The following ATRIP variants were observed in gnomAD, a reference collection of about 807,000 sequenced individuals.
ATRIP encodes ATR-interacting protein.
In ATRIP, 44 loss-of-function variants were observed where a neutral mutation model predicts 78.1. The ratio of observed to expected loss-of-function variants is 0.56; its 90% confidence interval spans 0.44 to 0.72. The LOEUF (loss-of-function observed/expected upper bound fraction) is 0.72, where lower values mean the gene tolerates loss of function less well. Ranked by LOEUF, ATRIP falls within the 30% of genes least tolerant of loss-of-function variation. The pLI, the probability that ATRIP is intolerant of heterozygous loss-of-function variation, is 0.00. For synonymous variants in ATRIP, 388 were observed against 408.9 expected, an observed-to-expected ratio of 0.95 and a Z score of 0.62; for missense variants, 927 against 980.2, an observed-to-expected ratio of 0.95 and a Z score of 0.72.
At chr3:48,454,152 T>G in intron 3 of ATRIP, 148 bp from the exon 4 acceptor site, 1 of 585,676 alleles carries the variant, frequency 1.7e-6, no homozygotes, top group African/African-American at 1.9e-5. Flanking sequence ...AGAAAGCTAA[T>G]GTTTAATATT....
Position 48,465,556 on chromosome 3 carries a change from G to A in ATRIP, c.*2G>A, listed in dbSNP as rs1393642533. ...GACCCCGAGGTGGAGTGTGGCTGAGGCCCTGAGTGTCCAGCCACATGGTGG... is the reference window on the plus strand; with the variant it reads ...GACCCCGAGGTGGAGTGTGGCTGAGACCCTGAGTGTCCAGCCACATGGTGG... On this transcript the variant is annotated 3_prime_UTR_variant, in exon 13 of 13. Coordinates refer to ENST00000320211, the MANE Select transcript of ATRIP (RefSeq NM_130384.3). 3 of 1,612,574 alleles carry A rather than the reference G, an allele frequency of 1.9e-6. No homozygotes were observed. Among genetic ancestry groups the A allele is most frequent in the Admixed American group, 1.7e-5 (1 of 60,008 alleles).
At chr3:48,451,991 C>T in intron 3 of ATRIP, 92 bp downstream of exon 3, 1 of 1,240,414 alleles carries the variant, frequency 8.1e-7, no homozygotes, top group Non-Finnish European at 1.1e-6. Context: ...GAGATTTCAA[C>T]ACTTGTTTGT....
In ATRIP at chr3:48,466,873, CGGGGAAGGCCTGCAGCCCT is replaced by C; in HGVS notation, c.*1321_*1339del. 3 of 1,613,400 alleles carry C rather than the reference CGGGGAAGGCCTGCAGCCCT, an allele frequency of 1.9e-6. No individual in the cohort carries two copies. Among genetic ancestry groups the C allele is most frequent in the Non-Finnish European group, 2.5e-6 (3 of 1,180,022 alleles). Reference sequence around the variant, plus strand: ...GACAAGCTCTCCCTGTGTGTGGCTCCGGGGAAGGCCTGCAGCCCTGCAGCCAGCGAGATCACAGGTCTGA... The same window carrying C: ...GACAAGCTCTCCCTGTGTGTGGCTCCGCAGCCAGCGAGATCACAGGTCTGA... On this transcript the variant is annotated 3_prime_UTR_variant, in exon 13 of 13. Coordinates refer to ENST00000320211, the MANE Select transcript of ATRIP (RefSeq NM_130384.3).
Position 48,467,280 on chromosome 3 carries a change from C to A in ATRIP, c.*1726C>A, listed in dbSNP as rs1478353840. 2 of 1,614,052 alleles carry A rather than the reference C, an allele frequency of 1.2e-6. No individual in the cohort carries two copies. Among genetic ancestry groups the A allele is most frequent in the Non-Finnish European group, 1.7e-6 (2 of 1,180,046 alleles). ...TGTCCTGGCCCTGCTCAGCATCTGT[C>A]AGTGGAGACCACAGGCCCTGCTGCG... On this transcript the variant is annotated 3_prime_UTR_variant, in exon 13 of 13. Coordinates refer to ENST00000320211, the MANE Select transcript of ATRIP (RefSeq NM_130384.3).
chr3:48,460,437 G>C lies in ATRIP; in HGVS notation c.1383G>C (p.Glu461Asp). ...CCTCCTGCGTGAGCTCTGGGGTAGAGACCAACCCTGAGGACTCAGTGTGCA... is the reference window on the plus strand; with the variant it reads ...CCTCCTGCGTGAGCTCTGGGGTAGACACCAACCCTGAGGACTCAGTGTGCA... The part of the protein sequence containing the change: ...THSSCVSSGV[E>D]TNPEDSVCIL... Residue 461 changes from glutamate to aspartate, a missense_variant, in exon 8 of 13, where the codon GAG becomes GAC. Physicochemically the swap from Glu to Asp is conservative, Grantham distance 45 (BLOSUM62 2). Transcript: ENST00000320211. 6.2e-7 allele frequency: 1 copy of C among 1,612,136 alleles called. No homozygotes were observed.
rs192579452 is a variant in ATRIP at position 48,463,367 on chromosome 3, C to T, written c.1746-378C>T. ...AGGCCATGTTTGTCACCTCTGGAGG[C>T]CTGGTCAGTCCTTCTGTGGGCACAG... is the stretch of plus-strand genomic sequence containing the variant. On this transcript the variant is annotated intron_variant, in intron 8 of 12. Transcript: ENST00000320211. Among the ~76,000 whole-genome samples the T allele has an allele frequency of 1.1e-3, 166 of 152,196 alleles. 1 individual carries two copies. The highest frequency in any genetic ancestry group is 6.8e-3 in the Middle Eastern group (2 of 294).
chr3:48,463,786 C>G lies in ATRIP; in HGVS notation c.1787C>G (p.Pro596Arg). The change falls in exon 9 of 13, where the codon CCA (proline) becomes CGA (arginine). Residue 596 changes from proline to arginine, a missense_variant. Coordinates refer to ENST00000320211, the MANE Select transcript of ATRIP (RefSeq NM_130384.3). ...VFQVLPKCLS[P>R]ETPLPSVLLA... ...CAAGTGCTGCCAAAGTGCCTCAGCC[C>G]AGAGACACCCCTGCCTAGCGTGCTG... 1 of 1,614,158 alleles carries G rather than the reference C, an allele frequency of 6.2e-7. No homozygotes were observed. The highest frequency in any genetic ancestry group is 1.1e-5 in the South Asian group (1 of 91,086).
intron 5 of ATRIP, among the ~76,000 whole-genome samples, chr3:48,459,139 G>A (rs2040030982): frequency 6.6e-6 from 1 of 152,226 alleles, no homozygotes; most frequent in Non-Finnish European, 1.5e-5. Context: ...CTCATTTTGA[G>A]TGAGGCAAAC....
intron 1 of ATRIP, chr3:48,447,402 A>G: frequency 9.4e-7 from 1 of 1,058,520 alleles, no homozygotes; most frequent in Non-Finnish European, 1.1e-6. Context: ...TACCACCACC[A>G]TCAGAACCAT....
chr3:48,458,014 T>TC (rs1346326464), intron 5 of ATRIP, among the ~76,000 whole-genome samples: 1 of 151,862 alleles, frequency 6.6e-6, no homozygotes, highest in Non-Finnish European at 1.5e-5. Context: ...CCTAATGCTA[T>TC]CCCTCCCCCC....
At chr3:48,460,066 C>G in intron 7 of ATRIP, 44 bp from the exon 8 acceptor site, 1 of 1,574,164 alleles carries the variant, frequency 6.4e-7, no homozygotes, top group Non-Finnish European at 8.6e-7. Flanking sequence ...TTGACCTTAT[C>G]TCCATCCCAC....
rs761933313 is a variant in ATRIP at position 48,465,522 on chromosome 3, G to A, written c.2344G>A (p.Asp782Asn). 48 of 1,613,820 alleles carry A rather than the reference G, an allele frequency of 3.0e-5. No individual in the cohort carries two copies. Among genetic ancestry groups the A allele is most frequent in the Non-Finnish European group, 3.8e-5 (45 of 1,179,892 alleles). The change falls in exon 13 of 13, where the codon GAT (aspartate) becomes AAT (asparagine). Residue 782 changes from aspartate (D) to asparagine (N), a missense_variant. Physicochemically the swap from Asp to Asn is conservative, Grantham distance 23. Transcript: ENST00000320211. ...ALDDLCAAET[D>N]VEDPEVECG ...GGATGACCTCTGTGCCGCGGAAACCGATGTGGAAGACCCCGAGGTGGAGTG... is the reference window on the plus strand; with the variant it reads ...GGATGACCTCTGTGCCGCGGAAACCAATGTGGAAGACCCCGAGGTGGAGTG...
At chr3:48,452,036 C>A in intron 3 of ATRIP, 137 bp downstream of exon 3, 1 of 844,510 alleles carries the variant, frequency 1.2e-6, no homozygotes, top group Non-Finnish European at 1.8e-6. Context: ...CATTGCCATC[C>A]ACTCTTCTTC....
intron 1 of ATRIP, among the ~76,000 whole-genome samples, chr3:48,448,578 G>A (rs543259985): frequency 6.6e-6 from 1 of 152,234 alleles, no homozygotes; most frequent in Non-Finnish European, 1.5e-5. Context: ...GCCTGGTTTG[G>A]CCCTTTCTCA....
Position 48,466,320 on chromosome 3 carries a change from C to A in ATRIP, c.*766C>A, listed in dbSNP as rs952972089. 1.5e-5 allele frequency: 12 copies of A among 826,056 alleles called. No homozygotes were observed. Among genetic ancestry groups the A allele is most frequent in the Non-Finnish European group, 2.2e-5 (11 of 499,198 alleles). 51.2% of individuals were successfully genotyped at this position (826,056 alleles called of 1,614,324 possible). A position where few individuals can be genotyped will look rare whatever the true frequency, so the allele number is the denominator to read the frequency against. ...TGCCTGCCTGCTACGGTGAGTGTGG[C>A]CCCCACAATGGGATGGCGCAGGGCA... On this transcript the variant is annotated 3_prime_UTR_variant, in exon 13 of 13. Coordinates refer to ENST00000320211, the MANE Select transcript of ATRIP (RefSeq NM_130384.3).
Position 48,451,824 on chromosome 3 carries a change from G to C in ATRIP, c.477G>C (p.Gln159His), listed in dbSNP as rs1482618414. ...LHQTESVLEE[Q>H]RRSHFLLEQE... The stretch of plus-strand genomic sequence containing the variant: ...AGACGGAATCCGTTCTAGAGGAACA[G>C]AGAAGATCACATTTTCTTCTTGAGC... Residue 159 changes from glutamine (Q) to histidine (H), a missense_variant, in exon 3 of 13, where the codon CAG (glutamine) becomes CAC (histidine). Physicochemically the swap from Gln to His is conservative, Grantham distance 24 (BLOSUM62 0). Transcript: ENST00000320211. 3 of 1,613,040 alleles carry C rather than the reference G, an allele frequency of 1.9e-6. No homozygotes were observed. The highest frequency in any genetic ancestry group is 1.7e-6 in the Non-Finnish European group (2 of 1,179,382).
intron 1 of ATRIP, 54 bp from the exon 2 acceptor site, chr3:48,449,983 G>C (rs1575274194): frequency 3.9e-6 from 6 of 1,536,344 alleles, no homozygotes; most frequent in Non-Finnish European, 5.2e-6. Flanking sequence ...GCATTTTCTG[G>C]CAAAAGTGGG....
Position 48,467,086 on chromosome 3 carries a change from C to G in ATRIP, c.*1532C>G. 1 of 1,614,014 alleles carries G rather than the reference C, an allele frequency of 6.2e-7. No individual in the cohort carries two copies. Among genetic ancestry groups the G allele is most frequent in the Non-Finnish European group, 8.5e-7 (1 of 1,180,042 alleles). On this transcript the variant is annotated 3_prime_UTR_variant, in exon 13 of 13. Coordinates refer to ENST00000320211, the MANE Select transcript of ATRIP (RefSeq NM_130384.3). ...GCAGAGCTGGCTATGCTGGGCCTCACCAGTGCTCTGGATGGTGCCTTCTGT... is the reference window on the plus strand; with the variant it reads ...GCAGAGCTGGCTATGCTGGGCCTCAGCAGTGCTCTGGATGGTGCCTTCTGT...
intron 2 of ATRIP, chr3:48,450,600 T>TC: frequency 8.2e-7 from 1 of 1,226,142 alleles, no homozygotes; most frequent in Non-Finnish European, 1.1e-6. Flanking sequence ...TTTTTTTTTT[T>TC]TTTTTTTTTG....
Sources: allele counts gnomAD v4.1 joint callset (sites outside exome capture counted in the v4.1 genomes callset), GRCh38; gene constraint gnomAD v4.1.1; transcripts MANE v1.5; gene names NCBI Gene and HGNC (gene_info 2026-07-23, HGNC 2026-07-21).